The following SNTG1 variants were observed in gnomAD, a reference collection of about 807,000 sequenced individuals.
The protein encoded by SNTG1 is syntrophin gamma 1, also known as gamma-1-syntrophin.
Under a neutral mutation model 74.7 loss-of-function variants are expected in SNTG1, and 39 were observed. The observed-to-expected ratio is 0.52, with a 90% CI of 0.40 to 0.68. The LOEUF is 0.68. Ranked by LOEUF, SNTG1 falls within the 30% of genes least tolerant of loss-of-function variation. The pLI is 0.00. For synonymous variants in SNTG1, 254 were observed against 217.1 expected (o/e 1.17, Z -1.49); for missense variants, 685 against 609.5 (o/e 1.12, Z -1.30).
At chr8:50,153,479 T>C (rs571254446) in intron 1 of SNTG1, among the ~76,000 whole-genome samples, 4 of 152,226 alleles carry the variant, frequency 2.6e-5, no homozygotes, top group African/African-American at 9.6e-5. Context: ...AGAGGTACTC[T>C]GATTTTTAGA....
At chr8:50,154,253 T>A (rs1586509475) in intron 1 of SNTG1, among the ~76,000 whole-genome samples, 2 of 152,146 alleles carry the variant, frequency 1.3e-5, no homozygotes, top group Non-Finnish European at 2.9e-5. Context: ...AATCTCCTGG[T>A]GTGCCGTTTG....
rs1016129078 is a variant in SNTG1, at chr8:50,774,801, A to C, written c.1396-17870A>C. ...ATAAAGATGTAAAGTGTATGACAAT[A>C]ATAACCCAAAGAAGTGGGGGGAACA... On this transcript the variant is annotated intron_variant, in intron 18 of 18. Coordinates refer to ENST00000642720, the MANE Select transcript of SNTG1 (RefSeq NM_018967.5). Among the ~76,000 whole-genome samples the C allele has an allele frequency of 2.0e-5, 3 of 151,750 alleles. No individual in the cohort carries two copies. In the South Asian group the frequency reaches 6.2e-4, roughly 31 times the overall value.
chr8:50,406,597 A>T (rs2092879195), intron 4 of SNTG1, among the ~76,000 whole-genome samples: 1 of 151,784 alleles, frequency 6.6e-6, no homozygotes, highest in African/African-American at 2.4e-5. Context: ...AAAAGCAGGC[A>T]TTTTTTTTCT....
chr8:50,401,342 A>G (rs990087074), intron 3 of SNTG1, among the ~76,000 whole-genome samples: 1 of 152,220 alleles, frequency 6.6e-6, no homozygotes, highest in African/African-American at 2.4e-5. Context: ...ATATTAATCC[A>G]GGTTAATATA....
At chr8:49,961,648 T>A (rs1563399969) in intron 1 of SNTG1, among the ~76,000 whole-genome samples, 1 of 152,232 alleles carries the variant, frequency 6.6e-6, no homozygotes, top group Non-Finnish European at 1.5e-5. Context: ...CTACTATACA[T>A]TATTGCACGA....
At chr8:50,446,386 A>AAAG (rs1188324480) in intron 5 of SNTG1, among the ~76,000 whole-genome samples, 1 of 151,568 alleles carries the variant, frequency 6.6e-6, no homozygotes. Flanking sequence ...AAGCAAAAAA[A>AAAG]AAAAACAGGC....
Position 50,402,206 on chromosome 8 carries a change from G to A in SNTG1, c.28-4G>A. On this transcript the variant is annotated splice_region_variant and splice_polypyrimidine_tract_variant and intron_variant, in intron 3 of 18. Coordinates refer to ENST00000642720, the MANE Select transcript of SNTG1 (RefSeq NM_018967.5). ...CTCTGTTTGTTTTTTTTTTTAATCT[G>A]AAGACAAAGACAGGAATTTGTTTGC... The A allele has an allele frequency of 6.3e-7, 1 of 1,580,330 alleles. No homozygotes were observed.
At chr8:50,722,365 G>A (rs2095489875) in intron 17 of SNTG1, among the ~76,000 whole-genome samples, 1 of 151,740 alleles carries the variant, frequency 6.6e-6, no homozygotes, top group South Asian at 2.1e-4. Context: ...AATAGAGACG[G>A]GGTTTTTACC....
intron 1 of SNTG1, among the ~76,000 whole-genome samples, chr8:50,119,721 A>T (rs1348934585): frequency 7.1e-6 from 1 of 141,734 alleles, no homozygotes; most frequent in Non-Finnish European, 1.6e-5. Context: ...TTGTAATTTT[A>T]CAATGTAAGG....
At chr8:50,522,057 T>G (rs2094183805) in intron 9 of SNTG1, among the ~76,000 whole-genome samples, 1 of 152,168 alleles carries the variant, frequency 6.6e-6, no homozygotes, top group South Asian at 2.1e-4. Context: ...AGGTTTTCAA[T>G]TGATTTTGCC....
intron 1 of SNTG1, among the ~76,000 whole-genome samples, chr8:49,977,964 T>G (rs1348018574): frequency 6.6e-6 from 1 of 152,202 alleles, no homozygotes; most frequent in Non-Finnish European, 1.5e-5. Context: ...GGAGCCTCAG[T>G]TTTCATATCT....
intron 13 of SNTG1, among the ~76,000 whole-genome samples, chr8:50,636,473 A>G (rs1393626951): frequency 6.6e-6 from 1 of 152,034 alleles, no homozygotes; most frequent in Admixed American, 6.6e-5. Context: ...GGGATGTGCA[A>G]TTCCCCTGTG....
chr8:50,666,339 G>T (rs1016914024), intron 15 of SNTG1, among the ~76,000 whole-genome samples: 2 of 152,084 alleles, frequency 1.3e-5, no homozygotes, highest in African/African-American at 4.8e-5. Flanking sequence ...TGCAGCAGAG[G>T]ATTCTGAACT....
At chr8:49,956,215 T>C (rs1810145665) in intron 1 of SNTG1, among the ~76,000 whole-genome samples, 1 of 152,230 alleles carries the variant, frequency 6.6e-6, no homozygotes, top group African/African-American at 2.4e-5. Flanking sequence ...TGCAAAGACA[T>C]AATTTAAGCA....
chr8:49,920,743 A>G (rs910275689), intron 1 of SNTG1, among the ~76,000 whole-genome samples: 3 of 152,052 alleles, frequency 2.0e-5, no homozygotes, highest in African/African-American at 7.2e-5. Flanking sequence ...ATATTTTACA[A>G]GCTTCAGGGA....
intron 2 of SNTG1, among the ~76,000 whole-genome samples, chr8:50,247,000 G>A (rs763689414): frequency 7.9e-5 from 12 of 152,134 alleles, no homozygotes; most frequent in Non-Finnish European, 1.6e-4. Context: ...GTCTGTAGCT[G>A]ATCTGGACAC....
At chr8:50,294,653 T>G (rs966883339) in intron 2 of SNTG1, among the ~76,000 whole-genome samples, 2 of 152,166 alleles carry the variant, frequency 1.3e-5, no homozygotes, top group African/African-American at 4.8e-5. Context: ...ACCCATGTTA[T>G]GGCAAATCTG....
intron 9 of SNTG1, among the ~76,000 whole-genome samples, chr8:50,514,703 T>G (rs1339017149): frequency 6.6e-6 from 1 of 152,190 alleles, no homozygotes; most frequent in Non-Finnish European, 1.5e-5. Flanking sequence ...TATATTTTAT[T>G]ATTGTTGAGT....
intron 18 of SNTG1, among the ~76,000 whole-genome samples, chr8:50,788,020 G>GA (rs1305398605): frequency 7.2e-5 from 11 of 151,922 alleles, no homozygotes; most frequent in Admixed American, 3.9e-4. Context: ...GGCTGCTGCA[G>GA]AAAAAAGGTG....
Sources: allele counts gnomAD v4.1 joint callset (sites outside exome capture counted in the v4.1 genomes callset), GRCh38; gene constraint gnomAD v4.1.1; transcripts MANE v1.5; gene names NCBI Gene and HGNC (gene_info 2026-07-23, HGNC 2026-07-21).